Variants in ITPA observed in about 807,000 individuals in gnomAD.
The protein encoded by ITPA is inosine triphosphate pyrophosphatase.
A neutral mutation model predicts 29.6 loss-of-function variants in ITPA; 29 were observed. The ratio of observed to expected loss-of-function variants is 0.98; its 90% CI spans 0.73 to 1.34. ITPA has a LOEUF of 1.34. Ranked by LOEUF, ITPA falls within the 40% of genes most tolerant of loss-of-function variation. The probability of loss-of-function intolerance (pLI) is 0.00; values close to 1 mark genes in which losing one functional copy is unlikely to be tolerated. For synonymous variants in ITPA, 103 were observed against 99.3 expected, an observed-to-expected ratio of 1.04 and a Z score of -0.22; for missense variants, 241 against 251.5, an observed-to-expected ratio of 0.96 and a Z score of 0.28.
downstream of ITPA, among the ~76,000 whole-genome samples, chr20:3,225,576 G>T (rs1432731586): frequency 6.6e-6 from 1 of 152,142 alleles, no homozygotes; most frequent in Non-Finnish European, 1.5e-5. Flanking sequence ...CAAGCTCTGT[G>T]CCCCTTCCCC....
rs1240690256 is a variant in ITPA at position 3,209,998 on chromosome 20, G to A, written c.66+381G>A. Among the ~76,000 whole-genome samples the A allele has an allele frequency of 1.3e-5, 2 of 152,184 alleles. No homozygotes were observed. Among genetic ancestry groups the A allele is most frequent in the Non-Finnish European group, 2.9e-5 (2 of 68,036 alleles). ...ATCCACATCCCGCTGCTGGGCCAGGGCTAGCAGGACCCAGAGAGGGCGTGG... is the reference window on the plus strand; with the variant it reads ...ATCCACATCCCGCTGCTGGGCCAGGACTAGCAGGACCCAGAGAGGGCGTGG... On this transcript the variant is annotated intron_variant, in intron 1 of 7. Transcript: ENST00000380113. The surrounding 1 kb of genome is among the most constrained non-coding windows in gnomAD (Gnocchi z 4.6).
upstream of ITPA, among the ~76,000 whole-genome samples, chr20:3,207,995 CAAAAAAAA>C (rs71195826): frequency 8.6e-6 from 1 of 116,468 alleles, no homozygotes; most frequent in South Asian, 2.7e-4. Flanking sequence ...GACTCCGTCT[CAAAAAAAA>C]AAAAAAAAAA....
intron 7 of ITPA, 67 bp from the exon 8 acceptor site, chr20:3,223,299 A>C: frequency 1.8e-6 from 2 of 1,134,424 alleles, no homozygotes; most frequent in East Asian, 2.4e-5. Context: ...GAGATGAGGT[A>C]GGGTTGGGAG....
upstream of ITPA, among the ~76,000 whole-genome samples, chr20:3,205,597 A>G (rs6037499): frequency 0.99 from 151,128 of 152,162 alleles, 75,056 homozygotes; most frequent in Middle Eastern, 1. Flanking sequence ...GTACTTGGGA[A>G]GATGAGGTGG....
At chr20:3,212,709 G>T (rs1450921986) in intron 1 of ITPA, among the ~76,000 whole-genome samples, 2 of 151,986 alleles carry the variant, frequency 1.3e-5, no homozygotes, top group Non-Finnish European at 2.9e-5. Context: ...ATTTTAGTAG[G>T]GTTAAAAGTC....
downstream of ITPA, among the ~76,000 whole-genome samples, chr20:3,225,797 G>A (rs1417668420): frequency 1.3e-5 from 2 of 152,204 alleles, no homozygotes; most frequent in East Asian, 3.9e-4. Flanking sequence ...GGGAGGCCAA[G>A]GCAGGCAGAT....
chr20:3,209,557 G>C lies in ITPA; in HGVS notation c.6G>C (p.Ala2=). 1 of 1,614,100 alleles carries C rather than the reference G, an allele frequency of 6.2e-7. No individual in the cohort carries two copies. Among genetic ancestry groups the C allele is most frequent in the Non-Finnish European group, 8.5e-7 (1 of 1,180,000 alleles). The part of the protein sequence containing the change: M[A]ASLVGKKIVF... Reference sequence around the variant, plus strand: ...CTGGGTAACCGGGGATCACCATGGCGGCCTCATTGGTGGGGAAGAAGATCG... The same window carrying C: ...CTGGGTAACCGGGGATCACCATGGCCGCCTCATTGGTGGGGAAGAAGATCG... The change falls in exon 1 of 8, where the codon GCG becomes GCC. Residue 2 remains alanine (A), a synonymous_variant. Coordinates refer to ENST00000380113, the MANE Select transcript of ITPA (RefSeq NM_033453.4). This position sits in a 1 kb window ranked among gnomAD's most constrained non-coding sequence, Gnocchi z 4.6.
chr20:3,221,980 C>T (rs1285021947), intron 7 of ITPA, 63 bp downstream of exon 7: 2 of 1,504,934 alleles, frequency 1.3e-6, no homozygotes, highest in Non-Finnish European at 1.8e-6. Flanking sequence ...TTGGGTTGGG[C>T]CAGTGCCCCG....
chr20:3,205,127 G>A (rs974649292), upstream of ITPA, among the ~76,000 whole-genome samples: 3 of 152,180 alleles, frequency 2.0e-5, no homozygotes, highest in Non-Finnish European at 4.4e-5. Flanking sequence ...TGGGATTACA[G>A]GCGTGAGCCA....
chr20:3,220,501 A>G (rs148597767), intron 6 of ITPA, among the ~76,000 whole-genome samples: 81 of 152,198 alleles, frequency 5.3e-4, no homozygotes, highest in African/African-American at 1.8e-3. Context: ...CTTGGCATCT[A>G]TGTGACTAAT....
At chr20:3,221,996 G>T in intron 7 of ITPA, 79 bp downstream of exon 7, 1 of 1,352,898 alleles carries the variant, frequency 7.4e-7, no homozygotes, top group South Asian at 1.2e-5. Flanking sequence ...CCCCGCCCAA[G>T]TGCAGGCATG....
chr20:3,208,928 GC>G (rs970743522), upstream of ITPA: 1 of 157,798 alleles, frequency 6.3e-6, no homozygotes, highest in Non-Finnish European at 1.4e-5. Context: ...CAAAGATCTG[GC>G]TGAAACGGTG....
At chr20:3,217,612 G>GCA (rs1268131710) in intron 5 of ITPA, among the ~76,000 whole-genome samples, 1 of 151,870 alleles carries the variant, frequency 6.6e-6, no homozygotes, top group African/African-American at 2.4e-5. Context: ...GGGACTACAG[G>GCA]TGTAAGCCAC....
chr20:3,221,889 T>TG lies in ITPA; in HGVS notation c.461dup (p.Cys154TrpfsTer5). The TG allele has an allele frequency of 6.2e-7, 1 of 1,614,090 alleles. No individual in the cohort carries two copies. The highest frequency in any genetic ancestry group is 8.5e-7 in the Non-Finnish European group (1 of 1,180,038). ...CTGCCAGGACTTTGGCTGGGACCCC[T>TG]GCTTTCAGCCTGATGGATATGAGCA... On this transcript the variant is annotated frameshift_variant, in exon 7 of 8. Coordinates refer to ENST00000380113, the MANE Select transcript of ITPA (RefSeq NM_033453.4). LOFTEE classifies it high-confidence loss of function.
At chr20:3,221,754 G>T in intron 6 of ITPA, 87 bp from the exon 7 acceptor site, 1 of 1,240,142 alleles carries the variant, frequency 8.1e-7, no homozygotes, top group South Asian at 1.2e-5. Flanking sequence ...CAAATTCACA[G>T]ACTCACCAAA....
chr20:3,225,995 C>T (rs2067550379), downstream of ITPA, among the ~76,000 whole-genome samples: 10 of 152,246 alleles, frequency 6.6e-5, no homozygotes, highest in South Asian at 2.1e-3. Context: ...CGCCCTTGCA[C>T]ACTGAGAGTG....
intron 1 of ITPA, among the ~76,000 whole-genome samples, chr20:3,210,412 G>T (rs1213703264): frequency 6.6e-6 from 1 of 152,174 alleles, no homozygotes; most frequent in Non-Finnish European, 1.5e-5. Flanking sequence ...TATCAGCTCC[G>T]ACTGGCTTTG....
At chr20:3,204,490 G>A (rs1228759160), upstream of ITPA, 7 of 1,526,000 alleles carry the variant, frequency 4.6e-6, no homozygotes, top group Non-Finnish European at 6.2e-6. Flanking sequence ...GGCTCAGAAG[G>A]CCAGAAAACC....
intron 7 of ITPA, 135 bp from the exon 8 acceptor site, chr20:3,223,231 G>C (rs760738355): frequency 1.4e-6 from 1 of 704,608 alleles, no homozygotes; most frequent in African/African-American, 1.8e-5. Context: ...TGGCTGCCAG[G>C]AGCTGCTGGG....
Sources: gnomAD v4.1 joint callset for allele counts (sites outside exome capture counted in the v4.1 genomes callset) on GRCh38, gnomAD v4.1.1 for gene constraint, Gnocchi (gnomAD v3.1) non-coding constraint, MANE v1.5 for transcripts, NCBI Gene and HGNC (gene_info 2026-07-23, HGNC 2026-07-21) for gene names.